NLGN4X: variants seen among roughly 807,000 people sequenced by gnomAD.
The protein encoded by NLGN4X is neuroligin-4, X-linked.
A neutral mutation model predicts 40.3 loss-of-function variants in NLGN4X; 3 were observed. The ratio of observed to expected loss-of-function variants is 0.07; its 90% CI spans 0.03 to 0.19. The LOEUF is 0.19. Among genes scored for constraint, NLGN4X ranks in the 10% least tolerant of loss-of-function variants. NLGN4X has a pLI of 1.00. For synonymous variants in NLGN4X, 270 were observed against 306.8 expected (o/e 0.88, Z 1.25); for missense variants, 382 against 708.3 (o/e 0.54, Z 5.23).
chrX:5,896,313 C>T (rs1027330266), intron 5 of NLGN4X, among the ~76,000 whole-genome samples: 4 of 111,983 alleles, frequency 3.6e-5, no homozygotes, highest in Non-Finnish European at 7.5e-5. Flanking sequence ...TTAAAGATCT[C>T]GGAGATGCAC....
At chrX:6,015,306 C>T (rs2036365462) in intron 3 of NLGN4X, among the ~76,000 whole-genome samples, 1 of 111,558 alleles carries the variant, frequency 9.0e-6, no homozygotes, top group Non-Finnish European at 1.9e-5. Flanking sequence ...TGAATGAAAA[C>T]CACTACTACA....
intron 2 of NLGN4X, among the ~76,000 whole-genome samples, chrX:6,097,571 G>A (rs984022566): frequency 9.0e-6 from 1 of 111,571 alleles, no homozygotes; most frequent in Non-Finnish European, 1.9e-5. Flanking sequence ...GGGACACCTG[G>A]TTTAGTAAGA....
At chrX:6,177,576 C>G (rs1387763401) in intron 1 of NLGN4X, among the ~76,000 whole-genome samples, 1 of 112,183 alleles carries the variant, frequency 8.9e-6, no homozygotes, top group Non-Finnish European at 1.9e-5. Context: ...TGTCAAATAA[C>G]AACACGCTAC....
chrX:6,091,819 G>A (rs1452949930), intron 2 of NLGN4X, among the ~76,000 whole-genome samples: 1 of 111,652 alleles, frequency 9.0e-6, no homozygotes, highest in Non-Finnish European at 1.9e-5. Flanking sequence ...ATAAGAACAT[G>A]TACGAACTGG....
chrX:6,110,530 T>G (rs1301269814), intron 2 of NLGN4X, among the ~76,000 whole-genome samples: 1 of 111,982 alleles, frequency 8.9e-6, no homozygotes, highest in Non-Finnish European at 1.9e-5. Context: ...GCAGCCTTCA[T>G]GCTGGAAATG....
At chrX:5,920,985 TGATGATTAA>T (rs2033007597) in intron 3 of NLGN4X, among the ~76,000 whole-genome samples, 1 of 110,165 alleles carries the variant, frequency 9.1e-6, no homozygotes, top group African/African-American at 3.3e-5. Context: ...TGGGTGGTAG[TGATGATTAA>T]GAAAAACGCT....
intron 5 of NLGN4X, among the ~76,000 whole-genome samples, chrX:5,900,560 C>CTT (rs1163973694): frequency 3.3e-4 from 15 of 45,584 alleles, no homozygotes; most frequent in African/African-American, 8.5e-4. Flanking sequence ...GTTTTTGGTG[C>CTT]TTTTTTTTTT....
rs768979076 is a variant in NLGN4X at position 5,946,933 on chromosome X, T to C, written c.626-37694A>G. Among the ~76,000 whole-genome samples the C allele has an allele frequency of 5.4e-5, 6 of 111,943 alleles. 1 individual carries two copies. In the South Asian group the frequency reaches 2.2e-3, roughly 42 times the overall value. On this transcript the variant is annotated intron_variant, in intron 3 of 5. Transcript: ENST00000381095. ...CTTATAAGTGAGAACATGCAGTATT[T>C]GATTCTCTGTTACCGACATAGTTGG...
At chrX:5,908,407 C>T (rs906711379) in intron 4 of NLGN4X, among the ~76,000 whole-genome samples, 2 of 111,377 alleles carry the variant, frequency 1.8e-5, no homozygotes, top group Non-Finnish European at 3.8e-5. Flanking sequence ...CTGATGGTTA[C>T]AAAATCTATA....
intron 1 of NLGN4X, among the ~76,000 whole-genome samples, chrX:6,210,242 TTGTGTGTGTGTGTGTG>T (rs748017875): frequency 8.3e-4 from 78 of 94,102 alleles, no homozygotes; most frequent in Non-Finnish European, 1.4e-3. Flanking sequence ...GTGCGCCCGT[TTGTGTGTGTGTGTGTG>T]TGTGTGTGTG....
At chrX:6,168,673 C>CGA (rs1333481320) in intron 1 of NLGN4X, among the ~76,000 whole-genome samples, 1 of 111,392 alleles carries the variant, frequency 9.0e-6, no homozygotes, top group Admixed American at 9.6e-5. Flanking sequence ...ATGGGTCTCT[C>CGA]TATGTTGCAG....
intron 2 of NLGN4X, among the ~76,000 whole-genome samples, chrX:6,058,186 A>G (rs2037682587): frequency 9.0e-6 from 1 of 110,836 alleles, no homozygotes; most frequent in African/African-American, 3.3e-5. Context: ...ACATGTTCAT[A>G]CACACATATA....
At position 6,156,009 on chromosome X, in the gene NLGN4X, G is replaced by T. The variant is rs2040255314; in HGVS notation, c.-305-4238C>A. Among the ~76,000 whole-genome samples the T allele has an allele frequency of 2.7e-5, 3 of 112,310 alleles. No homozygotes were observed. The Admixed American group carries it at 2.8e-4, about 11-fold the overall frequency. On this transcript the variant is annotated intron_variant, in intron 1 of 5. Coordinates refer to ENST00000381095, the MANE Select transcript of NLGN4X (RefSeq NM_181332.3). ...TGGAGATTTCTCAAGGAACTTAAAA[G>T]AGGAACTACCATTTGACCTAGCAAT...
At chrX:6,062,459 C>A (rs1343604872) in intron 2 of NLGN4X, among the ~76,000 whole-genome samples, 1 of 111,492 alleles carries the variant, frequency 9.0e-6, no homozygotes, top group Non-Finnish European at 1.9e-5. Flanking sequence ...TGAAATCCTT[C>A]CATTTGTTCT....
intron 2 of NLGN4X, among the ~76,000 whole-genome samples, chrX:6,036,774 G>C (rs1430137959): frequency 2.0e-4 from 22 of 110,610 alleles, no homozygotes; most frequent in Non-Finnish European, 9.4e-5. Flanking sequence ...GTGCAGAACT[G>C]GCTTTAAATA....
At chrX:6,086,167 T>C (rs1418145639) in intron 2 of NLGN4X, among the ~76,000 whole-genome samples, 1 of 112,076 alleles carries the variant, frequency 8.9e-6, no homozygotes, top group Non-Finnish European at 1.9e-5. Flanking sequence ...AGCAGATGAG[T>C]GTCAGCTGCA....
intron 5 of NLGN4X, among the ~76,000 whole-genome samples, chrX:5,896,259 G>A (rs2031486637): frequency 9.0e-6 from 1 of 111,505 alleles, no homozygotes; most frequent in Non-Finnish European, 1.9e-5. Context: ...CAGAGGATTT[G>A]GAAAATCCAT....
intron 2 of NLGN4X, among the ~76,000 whole-genome samples, chrX:6,147,697 C>T (rs184088108): frequency 4.9e-3 from 546 of 111,229 alleles, no homozygotes; most frequent in African/African-American, 0.015. Context: ...CACACACACA[C>T]ACACCATGCA....
intron 1 of NLGN4X, among the ~76,000 whole-genome samples, chrX:6,167,148 C>T (rs140959186): frequency 1.8e-5 from 2 of 110,113 alleles, no homozygotes; most frequent in Non-Finnish European, 3.8e-5. Flanking sequence ...CTTGCCATAC[C>T]CTCCCAAGTG....
Sources: gnomAD v4.1 joint callset for allele counts (sites outside exome capture counted in the v4.1 genomes callset) on GRCh38, gnomAD v4.1.1 for gene constraint, MANE v1.5 for transcripts, NCBI Gene and HGNC (gene_info 2026-07-23, HGNC 2026-07-21) for gene names.